The following CFAP47 variants were observed in gnomAD, a reference collection of about 807,000 sequenced individuals.
CFAP47 encodes cilia- and flagella-associated protein 47.
Under a neutral mutation model 148.1 loss-of-function variants are expected in CFAP47, and 29 were observed. The ratio of observed to expected loss-of-function variants is 0.20; its 90% CI spans 0.15 to 0.27. CFAP47 has a LOEUF of 0.27. Among genes scored for constraint, CFAP47 ranks in the 10% least tolerant of loss-of-function variants. The probability of loss-of-function intolerance (pLI) is 1.00; values close to 1 mark genes in which losing one functional copy is unlikely to be tolerated. For missense variants in CFAP47, 1,872 were observed against 1,697.5 expected (o/e 1.10, Z -1.81); for synonymous variants, 664 against 577.3 (o/e 1.15, Z -2.15).
At chrX:36,149,295 G>A (rs1353060587) in intron 37 of CFAP47, 72 bp downstream of exon 37, 1 of 277,427 alleles carries the variant, frequency 3.6e-6, no homozygotes, top group Non-Finnish European at 6.3e-6. Context: ...ATTATAAAAT[G>A]TGACTTTGAT....
intron 29 of CFAP47, among the ~76,000 whole-genome samples, chrX:36,083,223 T>A (rs1182804816): frequency 9.1e-6 from 1 of 110,420 alleles, no homozygotes; most frequent in East Asian, 2.9e-4. Flanking sequence ...TACACACACA[T>A]GTGCATACAT....
At chrX:36,219,638 C>A (rs1940193933) in intron 45 of CFAP47, among the ~76,000 whole-genome samples, 1 of 111,669 alleles carries the variant, frequency 9.0e-6, no homozygotes, top group Admixed American at 9.5e-5. Context: ...TTCAAAGTAA[C>A]CCCTCTGCTC....
chrX:36,134,868 T>C (rs12014049), intron 33 of CFAP47, among the ~76,000 whole-genome samples: 16,485 of 109,731 alleles, frequency 0.15, 2,603 homozygotes, highest in African/African-American at 0.47. Context: ...ACTCTCCAAA[T>C]TCAACAACAA....
At chrX:36,323,350 T>TC (rs1941492620) in intron 57 of CFAP47, among the ~76,000 whole-genome samples, 1 of 109,458 alleles carries the variant, frequency 9.1e-6, no homozygotes, top group Non-Finnish European at 1.9e-5. Context: ...TTTTTTTTTT[T>TC]CTCTCTCTCT....
intron 19 of CFAP47, among the ~76,000 whole-genome samples, chrX:35,997,666 C>T (rs1039367658): frequency 9.0e-6 from 1 of 110,981 alleles, no homozygotes; most frequent in Non-Finnish European, 1.9e-5. Context: ...TGGTCCTGTC[C>T]CTTATAAGAG....
chrX:36,220,987 A>T (rs1231582253), intron 45 of CFAP47, among the ~76,000 whole-genome samples: 1 of 111,825 alleles, frequency 8.9e-6, no homozygotes, highest in Non-Finnish European at 1.9e-5. Context: ...ATCACTCATG[A>T]GTAAAGATGA....
rs1452091451 is a variant in CFAP47, at chrX:36,357,470, A to G, written c.8851+3789A>G. Among the ~76,000 whole-genome samples, 2 of 112,015 alleles carry G rather than the reference A, an allele frequency of 1.8e-5. 1 individual carries two copies. Among genetic ancestry groups the G allele is most frequent in the East Asian group, 5.6e-4 (2 of 3,550 alleles). ...GATTGATTACCTTCATGTCTTTATC[A>G]TTCAGCAACAATCCAGCAAGCATCT... is the stretch of plus-strand genomic sequence containing the variant. On this transcript the variant is annotated intron_variant, in intron 60 of 63. Transcript: ENST00000378653.
chrX:36,254,618 G>A (rs73458211), intron 49 of CFAP47, among the ~76,000 whole-genome samples: 4,830 of 111,174 alleles, frequency 0.043, 306 homozygotes, highest in African/African-American at 0.15. Context: ...CCTAAGGCAA[G>A]AGTTTAATTG....
intron 24 of CFAP47, among the ~76,000 whole-genome samples, chrX:36,037,955 A>G (rs1937358228): frequency 9.0e-6 from 1 of 111,268 alleles, no homozygotes; most frequent in Non-Finnish European, 1.9e-5. Context: ...CTCATTTGTC[A>G]TTATTAGTAG....
At chrX:35,972,739 G>A (rs1936513027) in intron 13 of CFAP47, among the ~76,000 whole-genome samples, 1 of 111,425 alleles carries the variant, frequency 9.0e-6, no homozygotes. Flanking sequence ...CCCATTTTAT[G>A]AGTATACCAC....
chrX:36,194,245 T>G (rs1939895079), intron 42 of CFAP47, among the ~76,000 whole-genome samples: 1 of 111,595 alleles, frequency 9.0e-6, no homozygotes, highest in Non-Finnish European at 1.9e-5. Flanking sequence ...GCAAAATCCA[T>G]GATCCCTGCA....
chrX:35,988,862 A>C (rs190993658), intron 15 of CFAP47, among the ~76,000 whole-genome samples: 313 of 111,883 alleles, frequency 2.8e-3, no homozygotes, highest in Non-Finnish European at 5.1e-3. Context: ...ATTTCAAAAA[A>C]CTTCTGTGGT....
chrX:35,990,685 ACTGT>A (rs1006540666), intron 16 of CFAP47, among the ~76,000 whole-genome samples: 11 of 110,569 alleles, frequency 9.9e-5, no homozygotes, highest in Non-Finnish European at 1.9e-4. Context: ...TTGTTTAGAT[ACTGT>A]CTAAGATCCC....
intron 36 of CFAP47, 144 bp from the exon 37 acceptor site, chrX:36,148,964 T>G: frequency 4.3e-6 from 1 of 232,585 alleles, no homozygotes; most frequent in Non-Finnish European, 7.6e-6. Flanking sequence ...ATACAAATTC[T>G]GGCTTTGTCC....
At chrX:36,349,935 T>C in intron 58 of CFAP47, 103 bp from the exon 59 acceptor site, 1 of 448,544 alleles carries the variant, frequency 2.2e-6, no homozygotes, top group Non-Finnish European at 3.6e-6. Flanking sequence ...AAGTCTGAAT[T>C]TACAAGCTTT....
rs950820884 is a variant in CFAP47 at position 36,246,361 on chromosome X, A to G, written c.7333-4972A>G. On this transcript the variant is annotated intron_variant, in intron 48 of 63. Transcript: ENST00000378653. ...AAACACAAACCAAAACCAAAATGGC[A>G]TACCGTCTGTATTAGTCCACTGCTA... 3.6e-5 allele frequency among the ~76,000 whole-genome samples: 4 copies of G among 112,139 alleles called. No homozygotes were observed. The South Asian group carries it at 1.1e-3, about 31-fold the overall frequency.
intron 3 of CFAP47, among the ~76,000 whole-genome samples, chrX:35,944,353 T>C (rs1329963763): frequency 2.7e-5 from 3 of 111,571 alleles, no homozygotes; most frequent in African/African-American, 6.5e-5. Flanking sequence ...ATTTATAGGA[T>C]TATATATTTT....
intron 29 of CFAP47, among the ~76,000 whole-genome samples, chrX:36,080,940 A>T (rs1484169557): frequency 8.9e-6 from 1 of 112,305 alleles, no homozygotes; most frequent in African/African-American, 3.2e-5. Flanking sequence ...TTAAAACAAA[A>T]GAAAAACTAG....
chrX:36,168,119 T>A (rs1053024001), intron 39 of CFAP47, among the ~76,000 whole-genome samples: 1 of 111,924 alleles, frequency 8.9e-6, no homozygotes, highest in African/African-American at 3.2e-5. Flanking sequence ...TTGTCTCTTT[T>A]CTTTTACCCA....
Sources: gnomAD v4.1 joint callset for allele counts (sites outside exome capture counted in the v4.1 genomes callset) on GRCh38, gnomAD v4.1.1 for gene constraint, MANE v1.5 for transcripts, NCBI Gene and HGNC (gene_info 2026-07-23, HGNC 2026-07-21) for gene names.